The following KCNQ3 variants were observed in gnomAD, a reference collection of about 807,000 sequenced individuals.
The protein encoded by KCNQ3 is potassium voltage-gated channel subfamily Q member 3.
In KCNQ3, 30 loss-of-function variants were observed where a neutral mutation model predicts 92.5. That is an observed-to-expected ratio of 0.32 (90% CI 0.24 to 0.44). KCNQ3 has a LOEUF of 0.44. Among genes scored for constraint, KCNQ3 ranks in the 20% least tolerant of loss-of-function variants. KCNQ3 has a pLI of 1.00. For missense variants in KCNQ3, 913 were observed against 1,140.3 expected (o/e 0.80, Z 2.87); for synonymous variants, 450 against 468.8 (o/e 0.96, Z 0.52).
intron 1 of KCNQ3, among the ~76,000 whole-genome samples, chr8:132,355,027 A>G (rs1415917051): frequency 6.6e-6 from 1 of 152,158 alleles, no homozygotes; most frequent in Non-Finnish European, 1.5e-5. Flanking sequence ...CAGTTCTATA[A>G]CAGTCCTCAT....
chr8:132,129,533 G>A lies in KCNQ3; in HGVS notation c.2348C>T (p.Thr783Met), dbSNP rs1162617343. The change falls in exon 15 of 15, where the codon ACG becomes ATG. Residue 783 changes from threonine (T) to methionine (M), a missense_variant. This residue lies in a region of KCNQ3 where 375 missense variants were observed against 376.4 expected (regional missense o/e 1.00). Coordinates refer to ENST00000388996, the MANE Select transcript of KCNQ3 (RefSeq NM_004519.4). This position sits in a 1 kb window ranked among gnomAD's most constrained non-coding sequence, Gnocchi z 5.9. ...RISPRQRRSI[T>M]RDSDTPLSLM... Reference sequence around the variant, plus strand: ...GGACAGAGGTGTGTCACTGTCTCGCGTGATGCTACGTCTCTGCCGGGGGGA... The same window carrying A: ...GGACAGAGGTGTGTCACTGTCTCGCATGATGCTACGTCTCTGCCGGGGGGA... 7 of 1,614,090 alleles carry A rather than the reference G, an allele frequency of 4.3e-6. No individual in the cohort carries two copies. The highest frequency in any genetic ancestry group is 3.4e-6 in the Non-Finnish European group (4 of 1,180,038).
chr8:132,158,901 A>T (rs1402009500), intron 9 of KCNQ3, among the ~76,000 whole-genome samples: 1 of 152,186 alleles, frequency 6.6e-6, no homozygotes, highest in Non-Finnish European at 1.5e-5. Flanking sequence ...GGAAATAAAG[A>T]TGGTACCTGG....
chr8:132,319,641 G>A (rs943328904), intron 1 of KCNQ3, among the ~76,000 whole-genome samples: 3 of 152,284 alleles, frequency 2.0e-5, no homozygotes, highest in South Asian at 2.1e-4. Context: ...CTGCCACGAC[G>A]AAGCAGCCGC....
intron 1 of KCNQ3, among the ~76,000 whole-genome samples, chr8:132,390,645 G>GTCTCCAGCAC (rs1365819616): frequency 6.6e-6 from 1 of 151,918 alleles, no homozygotes; most frequent in Non-Finnish European, 1.5e-5. Context: ...AGGTTCTCCA[G>GTCTCCAGCAC]TCTCCAGCAC....
chr8:132,386,145 G>C (rs1230675092), intron 1 of KCNQ3, among the ~76,000 whole-genome samples: 2 of 152,070 alleles, frequency 1.3e-5, no homozygotes, highest in Admixed American at 1.3e-4. Flanking sequence ...CTCCTGATTG[G>C]AAAAGAAATG....
intron 1 of KCNQ3, among the ~76,000 whole-genome samples, chr8:132,325,527 G>C (rs62520375): frequency 0.19 from 29,275 of 152,082 alleles, 3,193 homozygotes; most frequent in Non-Finnish European, 0.25. Flanking sequence ...GAGTTCATTA[G>C]GGTGACCTGC....
intron 12 of KCNQ3, among the ~76,000 whole-genome samples, chr8:132,134,638 C>A (rs1453052423): frequency 6.6e-6 from 1 of 151,776 alleles, no homozygotes; most frequent in Admixed American, 6.6e-5. Context: ...GAACCTATAA[C>A]CTCGGTATAT....
At chr8:132,420,585 C>G (rs1563904942) in intron 1 of KCNQ3, among the ~76,000 whole-genome samples, 1 of 152,154 alleles carries the variant, frequency 6.6e-6, no homozygotes, top group African/African-American at 2.4e-5. Context: ...AGATCCCAGG[C>G]AGCACATAAG....
At chr8:132,222,063 A>G (rs1217832614) in intron 1 of KCNQ3, among the ~76,000 whole-genome samples, 2 of 152,254 alleles carry the variant, frequency 1.3e-5, no homozygotes, top group African/African-American at 4.8e-5. Flanking sequence ...AAAATTGACA[A>G]ATGGGATCTA....
intron 1 of KCNQ3, among the ~76,000 whole-genome samples, chr8:132,215,772 C>G (rs892507473): frequency 6.6e-6 from 1 of 152,210 alleles, no homozygotes; most frequent in Non-Finnish European, 1.5e-5. Flanking sequence ...GGTGAAGGCA[C>G]GGCTTCCCTG....
At chr8:132,380,116 G>A (rs1819706504) in intron 1 of KCNQ3, among the ~76,000 whole-genome samples, 2 of 152,080 alleles carry the variant, frequency 1.3e-5, no homozygotes, top group Non-Finnish European at 2.9e-5. Flanking sequence ...GAAAATATTA[G>A]CCCATTGCCT....
Position 132,477,250 on chromosome 8 carries a change from G to T in KCNQ3, c.386+2897C>A, listed in dbSNP as rs192216721. Reference sequence around the variant, plus strand: ...GACTAATACAGCATTTGAGGCAAAAGAAACAAGGTAAGGGTTTGATTGATT... The same window carrying T: ...GACTAATACAGCATTTGAGGCAAAATAAACAAGGTAAGGGTTTGATTGATT... On this transcript the variant is annotated intron_variant, in intron 1 of 14. Coordinates refer to ENST00000388996, the MANE Select transcript of KCNQ3 (RefSeq NM_004519.4). Among the ~76,000 whole-genome samples the T allele has an allele frequency of 7.6e-4, 115 of 151,782 alleles. 1 individual carries two copies. Among genetic ancestry groups the T allele is most frequent in the Admixed American group, 3.4e-3 (52 of 15,248 alleles).
rs148660380 is a variant in KCNQ3, at chr8:132,479,893, C to A, written c.386+254G>T. ...GCGCGCACACATCCGCCCAAATCAG[C>A]AGGGGAACCACGCTTCGTTTTTTAA... is the stretch of plus-strand genomic sequence containing the variant. On this transcript the variant is annotated intron_variant, in intron 1 of 14. Transcript: ENST00000388996. Among the ~76,000 whole-genome samples, 2,262 of 151,140 alleles carry A rather than the reference C, an allele frequency of 0.015. 23 individuals are homozygous for A. The highest frequency in any genetic ancestry group is 0.023 in the Non-Finnish European group (1,573 of 67,880).
intron 1 of KCNQ3, among the ~76,000 whole-genome samples, chr8:132,327,148 T>C (rs1818081716): frequency 6.6e-6 from 1 of 152,252 alleles, no homozygotes; most frequent in Non-Finnish European, 1.5e-5. Flanking sequence ...TGCTGAAAAA[T>C]CAGAGGTGAA....
intron 1 of KCNQ3, among the ~76,000 whole-genome samples, chr8:132,310,792 C>A (rs187111608): frequency 6.6e-6 from 1 of 152,290 alleles, no homozygotes; most frequent in East Asian, 1.9e-4. Flanking sequence ...ATTTGCCAAA[C>A]TATATCCGAA....
At chr8:132,401,480 A>G (rs1025940309) in intron 1 of KCNQ3, among the ~76,000 whole-genome samples, 2 of 151,996 alleles carry the variant, frequency 1.3e-5, no homozygotes, top group Non-Finnish European at 2.9e-5. Flanking sequence ...GGCTCAAGCA[A>G]TTCTCCTGCC....
Position 132,235,348 on chromosome 8 carries a change from C to T in KCNQ3, c.387-49167G>A, listed in dbSNP as rs142368928. On this transcript the variant is annotated intron_variant, in intron 1 of 14. Coordinates refer to ENST00000388996, the MANE Select transcript of KCNQ3 (RefSeq NM_004519.4). Reference sequence around the variant, plus strand: ...TGAAACCCCGTCTCTACTAAAAATACGAAAATTAGCTGGGCGTGGTGGCAG... The same window carrying T: ...TGAAACCCCGTCTCTACTAAAAATATGAAAATTAGCTGGGCGTGGTGGCAG... 9.0e-3 allele frequency among the ~76,000 whole-genome samples: 1,370 copies of T among 152,176 alleles called. 18 individuals carry two copies. Among genetic ancestry groups the T allele is most frequent in the African/African-American group, 0.032 (1,316 of 41,536 alleles).
At chr8:132,394,501 T>C (rs1169782975) in intron 1 of KCNQ3, among the ~76,000 whole-genome samples, 1 of 152,182 alleles carries the variant, frequency 6.6e-6, no homozygotes, top group Admixed American at 6.5e-5. Flanking sequence ...TAATAAGTGA[T>C]TGCTTGATCC....
intron 1 of KCNQ3, among the ~76,000 whole-genome samples, chr8:132,285,888 C>T (rs969809944): frequency 8.5e-5 from 13 of 152,304 alleles, no homozygotes; most frequent in African/African-American, 2.4e-4. Flanking sequence ...TAAATTCCAG[C>T]ACTGGGCCCC....
Sources: gnomAD v4.1 joint callset for allele counts (sites outside exome capture counted in the v4.1 genomes callset) on GRCh38, gnomAD v4.1.1 for gene constraint, gnomAD v4.1.1 regional missense constraint, Gnocchi (gnomAD v3.1) non-coding constraint, MANE v1.5 for transcripts, NCBI Gene and HGNC (gene_info 2026-07-23, HGNC 2026-07-21) for gene names.